The following MIB1 variants were observed in gnomAD, a reference collection of about 807,000 sequenced individuals.
MIB1 encodes the protein MIB E3 ubiquitin protein ligase 1.
Under a neutral mutation model 124.5 loss-of-function variants are expected in MIB1, and 278 were observed. The observed-to-expected ratio is 2.23, with a 90% confidence interval of 2.02 to 2.47. The LOEUF (loss-of-function observed/expected upper bound fraction) is 2.47, where lower values mean the gene tolerates loss of function less well. MIB1 is among the 30% of genes most tolerant of loss of function. The pLI is 0.00. For missense variants in MIB1, 957 were observed against 1,254.4 expected (o/e 0.76, Z 3.58); for synonymous variants, 446 against 429.4 (o/e 1.04, Z -0.48).
intron 12 of MIB1, among the ~76,000 whole-genome samples, chr18:21,837,463 G>A (rs1002179527): frequency 2.6e-5 from 4 of 152,216 alleles, no homozygotes; most frequent in African/African-American, 4.8e-5. Context: ...AGCTGAGATC[G>A]TGCCACTGCA....
intron 1 of MIB1, among the ~76,000 whole-genome samples, chr18:21,749,103 C>T (rs1002960657): frequency 2.6e-5 from 4 of 152,004 alleles, no homozygotes; most frequent in Admixed American, 6.6e-5. Flanking sequence ...TAGTTTGTTT[C>T]ATTCTTTTTT....
chr18:21,718,867 A>C (rs943423506), intron 1 of MIB1, among the ~76,000 whole-genome samples: 3 of 152,152 alleles, frequency 2.0e-5, no homozygotes, highest in Non-Finnish European at 2.9e-5. Flanking sequence ...TCTAGTCAAC[A>C]TAGTGAGACC....
intron 16 of MIB1, among the ~76,000 whole-genome samples, chr18:21,848,975 G>C (rs186577204): frequency 5.7e-4 from 86 of 152,208 alleles, no homozygotes; most frequent in African/African-American, 2.0e-3. Context: ...TTGGGTGAGT[G>C]AGTGTTCAGT....
chr18:21,762,838 T>C (rs1030152278), intron 1 of MIB1, among the ~76,000 whole-genome samples: 3 of 152,190 alleles, frequency 2.0e-5, no homozygotes, highest in African/African-American at 7.2e-5. Flanking sequence ...ATGTTCCCCA[T>C]ATACAGTCTC....
chr18:21,864,771 G>A lies in MIB1; in HGVS notation c.*105G>A. ...TGATGAGTTAATTTCTAATATCATA[G>A]TTTCTTTACTAGAGTATAATTGGGC... On this transcript the variant is annotated 3_prime_UTR_variant, in exon 21 of 21. Transcript: ENST00000261537. The A allele has an allele frequency of 1.2e-6, 1 of 816,494 alleles. No homozygotes were observed. Among genetic ancestry groups the A allele is most frequent in the East Asian group, 2.5e-5 (1 of 39,440 alleles). 50.6% of individuals were successfully genotyped at this position (816,494 alleles called of 1,614,324 possible). A position where few individuals can be genotyped will look rare whatever the true frequency, so the allele number is the denominator to read the frequency against.
At chr18:21,814,718 C>A (rs902787711) in intron 10 of MIB1, among the ~76,000 whole-genome samples, 1 of 151,730 alleles carries the variant, frequency 6.6e-6, no homozygotes, top group African/African-American at 2.4e-5. Context: ...GGATTACAGG[C>A]ATGTGCCACC....
intron 1 of MIB1, among the ~76,000 whole-genome samples, chr18:21,722,247 C>T (rs993816242): frequency 2.0e-5 from 3 of 151,506 alleles, no homozygotes; most frequent in Admixed American, 1.3e-4. Flanking sequence ...GTAGAGATAG[C>T]GTTTCACCAT....
chr18:21,836,195 A>T (rs1259121781), intron 12 of MIB1, among the ~76,000 whole-genome samples: 2 of 151,900 alleles, frequency 1.3e-5, no homozygotes, highest in Non-Finnish European at 2.9e-5. Context: ...TTGAAACTGC[A>T]GTGAACTCTG....
At chr18:21,860,666 A>G (rs561585886) in intron 20 of MIB1, among the ~76,000 whole-genome samples, 88 of 152,262 alleles carry the variant, frequency 5.8e-4, no homozygotes, top group Non-Finnish European at 1.0e-3. Context: ...TGTGTTTTCT[A>G]TCTGAATTTA....
At chr18:21,717,168 C>G (rs1042749911) in intron 1 of MIB1, among the ~76,000 whole-genome samples, 5 of 152,110 alleles carry the variant, frequency 3.3e-5, no homozygotes, top group African/African-American at 1.2e-4. Context: ...ACAACCTATT[C>G]AACAAATGGT....
At position 21,815,840 on chromosome 18, in the gene MIB1, G is replaced by T. The variant is rs1036421735; in HGVS notation, c.1677+27G>T. 5.0e-6 allele frequency: 8 copies of T among 1,587,982 alleles called. No homozygotes were observed. The African/African-American group carries it at 9.4e-5, about 19-fold the overall frequency. On this transcript the variant is annotated intron_variant, in intron 11 of 20. Transcript: ENST00000261537. ...TAAAACCTTTAAAGAAACACATCCT[G>T]CAGGTATTGCTAGGATCCTATTAAA...
At chr18:21,731,240 C>T (rs534375728) in intron 1 of MIB1, among the ~76,000 whole-genome samples, 1 of 152,284 alleles carries the variant, frequency 6.6e-6, no homozygotes, top group East Asian at 1.9e-4. Context: ...ATCAATCAAC[C>T]TCCAGAGTGT....
intron 1 of MIB1, among the ~76,000 whole-genome samples, chr18:21,754,701 A>G (rs1336788878): frequency 6.6e-6 from 1 of 152,246 alleles, no homozygotes; most frequent in East Asian, 1.9e-4. Context: ...TGAACCGTCT[A>G]TCCATGAAAT....
intron 11 of MIB1, among the ~76,000 whole-genome samples, chr18:21,817,154 C>CTTTTTTTTTTTTTTTTTTTTTTTTTT (rs1040673828): frequency 1.3e-5 from 1 of 75,012 alleles, no homozygotes; most frequent in Non-Finnish European, 2.4e-5. Flanking sequence ...GTTAGGAATT[C>CTTTTTTTTTTTTTTTTTTTTTTTTTT]TTTTTTTTTT....
chr18:21,837,973 A>G (rs1199811544), intron 12 of MIB1, among the ~76,000 whole-genome samples: 1 of 152,178 alleles, frequency 6.6e-6, no homozygotes, highest in Non-Finnish European at 1.5e-5. Context: ...AGGTTCCCCA[A>G]AGCCAAAGTG....
chr18:21,824,910 C>T (rs181570124), intron 12 of MIB1, among the ~76,000 whole-genome samples: 323 of 151,852 alleles, frequency 2.1e-3, no homozygotes, highest in African/African-American at 7.4e-3. Flanking sequence ...TCAGTTTATC[C>T]CCACTGAAGG....
chr18:21,852,988 G>T (rs762293487), intron 17 of MIB1, 152 bp from the exon 18 acceptor site: 6 of 589,336 alleles, frequency 1.0e-5, no homozygotes, highest in Non-Finnish European at 1.5e-5. Context: ...GAATAACCAG[G>T]AAAGTAGAGG....
intron 1 of MIB1, among the ~76,000 whole-genome samples, chr18:21,709,651 G>T (rs1019709946): frequency 1.3e-5 from 2 of 152,150 alleles, no homozygotes; most frequent in East Asian, 1.9e-4. Context: ...CAGTGTCTGT[G>T]GGGGGACATG....
chr18:21,800,911 A>G (rs920482235), intron 9 of MIB1, among the ~76,000 whole-genome samples: 5 of 152,110 alleles, frequency 3.3e-5, no homozygotes, highest in Non-Finnish European at 7.4e-5. Flanking sequence ...TGTGTTTGAA[A>G]GATAGTCGGA....
Sources: allele counts gnomAD v4.1 joint callset (sites outside exome capture counted in the v4.1 genomes callset), GRCh38; gene constraint gnomAD v4.1.1; transcripts MANE v1.5; gene names NCBI Gene and HGNC (gene_info 2026-07-23, HGNC 2026-07-21).